The following HIPK2 variants were observed in gnomAD, a reference collection of about 807,000 sequenced individuals.
The protein encoded by HIPK2 is homeodomain-interacting protein kinase 2.
Under a neutral mutation model 113.7 loss-of-function variants are expected in HIPK2, and 27 were observed. The ratio of observed to expected loss-of-function variants is 0.24; its 90% CI spans 0.17 to 0.33. The LOEUF is 0.33. HIPK2 is among the 10% of genes least tolerant of loss of function. HIPK2 has a pLI of 1.00. For missense variants in HIPK2, 1,257 were observed against 1,588.0 expected (o/e 0.79, Z 3.54); for synonymous variants, 631 against 642.2 (o/e 0.98, Z 0.26).
rs1480629295 is a variant in HIPK2, at chr7:139,621,970, T to C, written c.1620-1407A>G. ...TTAAAAGAAAAAGAAAAAAAACTCA[T>C]TTAATTTTCAACTCAAAATGTCTAT... On this transcript the variant is annotated intron_variant, in intron 6 of 14. Transcript: ENST00000406875. 2.0e-5 allele frequency among the ~76,000 whole-genome samples: 3 copies of C among 151,332 alleles called. No individual in the cohort carries two copies. In the East Asian group the frequency reaches 5.8e-4, roughly 29 times the overall value.
intron 10 of HIPK2, 197 bp downstream of exon 10, chr7:139,603,884 T>C (rs1799524169): frequency 1.0e-5 from 2 of 191,594 alleles, no homozygotes; most frequent in Admixed American, 1.3e-4. Context: ...CTGATTTTCT[T>C]GTATCCTGGT....
At chr7:139,765,765 G>C (rs901787272) in intron 1 of HIPK2, among the ~76,000 whole-genome samples, 3 of 152,072 alleles carry the variant, frequency 2.0e-5, no homozygotes, top group African/African-American at 7.2e-5. Context: ...TCCATCTTCT[G>C]TTAAATGCTC....
At position 139,565,869 on chromosome 7, in the gene HIPK2, T is replaced by A. The variant is rs1425342016; in HGVS notation, c.*7058A>T. ...GAGATCAGAGCTGTCAGGATAATTA[T>A]CAAGTGCAGTAAAAAATAGCATTTT... On this transcript the variant is annotated 3_prime_UTR_variant, in exon 15 of 15. Transcript: ENST00000406875. The A allele has an allele frequency of 6.6e-6, 1 of 152,162 alleles. No individual in the cohort carries two copies. The allele number at this position is 152,162 out of a possible 1,614,324, so 9.4% of individuals were successfully genotyped here. A position where few individuals can be genotyped will look rare whatever the true frequency, so the allele number is the denominator to read the frequency against.
intron 12 of HIPK2, among the ~76,000 whole-genome samples, chr7:139,593,928 C>T (rs1799111073): frequency 1.3e-5 from 2 of 152,254 alleles, no homozygotes; most frequent in East Asian, 1.9e-4. Flanking sequence ...TCCTTGTTTT[C>T]CCAGGACTGA....
chr7:139,706,035 C>T (rs558204571), intron 2 of HIPK2, among the ~76,000 whole-genome samples: 8 of 152,226 alleles, frequency 5.3e-5, no homozygotes, highest in African/African-American at 1.4e-4. Flanking sequence ...TACGAGGCCC[C>T]GGGGATGATG....
chr7:139,596,523 T>C (rs578190038), intron 12 of HIPK2, among the ~76,000 whole-genome samples, 194 bp downstream of exon 12: 49 of 152,376 alleles, frequency 3.2e-4, no homozygotes, highest in Non-Finnish European at 6.2e-4. Flanking sequence ...GACATTATTT[T>C]GGTTTTAAAC....
intron 2 of HIPK2, among the ~76,000 whole-genome samples, chr7:139,663,886 C>G (rs1336650522): frequency 1.3e-5 from 2 of 152,342 alleles, no homozygotes; most frequent in South Asian, 2.1e-4. Flanking sequence ...TGCCGGCCCA[C>G]GAGTCTTCCT....
At chr7:139,619,335 T>C in intron 7 of HIPK2, among the ~76,000 whole-genome samples, 1 of 152,120 alleles carries the variant, frequency 6.6e-6, no homozygotes, top group African/African-American at 2.4e-5. Flanking sequence ...AACAAAAATC[T>C]GGGGGCCCTT....
At chr7:139,757,223 CT>C (rs375556550) in intron 1 of HIPK2, among the ~76,000 whole-genome samples, 4 of 152,310 alleles carry the variant, frequency 2.6e-5, no homozygotes, top group African/African-American at 9.6e-5. Context: ...GTCAAAACTG[CT>C]TTTACCAGGC....
At chr7:139,622,789 A>T (rs1175806814) in intron 6 of HIPK2, among the ~76,000 whole-genome samples, 1 of 152,186 alleles carries the variant, frequency 6.6e-6, no homozygotes, top group East Asian at 1.9e-4. Context: ...AGGTGTGTTC[A>T]GAGACCCACC....
intron 1 of HIPK2, among the ~76,000 whole-genome samples, chr7:139,767,506 C>T (rs1304910613): frequency 1.3e-5 from 2 of 152,146 alleles, no homozygotes; most frequent in African/African-American, 4.8e-5. Flanking sequence ...AGAGCAGAGA[C>T]GCCATCAAAG....
chr7:139,777,540 G>T, intron 1 of HIPK2, 65 bp downstream of exon 1: 1 of 802,846 alleles, frequency 1.2e-6, no homozygotes, highest in Non-Finnish European at 1.5e-6. Flanking sequence ...GCCGCGGGCA[G>T]AACAAAGCTG....
intron 10 of HIPK2, among the ~76,000 whole-genome samples, chr7:139,601,920 A>G (rs989792764): frequency 6.7e-6 from 1 of 149,914 alleles, no homozygotes; most frequent in African/African-American, 2.5e-5. Flanking sequence ...GGGCATTTAC[A>G]TGGACTTTAG....
intron 2 of HIPK2, among the ~76,000 whole-genome samples, chr7:139,704,363 CAACA>C (rs1438254813): frequency 7.0e-6 from 1 of 143,452 alleles, no homozygotes; most frequent in East Asian, 2.2e-4. Context: ...ACACTATACC[CAACA>C]TACACACCCA....
intron 13 of HIPK2, among the ~76,000 whole-genome samples, chr7:139,581,018 G>C (rs1293975731): frequency 6.6e-6 from 1 of 152,074 alleles, no homozygotes; most frequent in African/African-American, 2.4e-5. Flanking sequence ...TCAGGAGTTC[G>C]AGACCAGCCT....
intron 12 of HIPK2, among the ~76,000 whole-genome samples, chr7:139,590,828 C>T (rs1798993912): frequency 6.6e-6 from 1 of 152,110 alleles, no homozygotes; most frequent in African/African-American, 2.4e-5. Context: ...TAATATGGCA[C>T]ATACATTCCA....
chr7:139,671,109 C>T (rs1490471893), intron 2 of HIPK2, among the ~76,000 whole-genome samples: 1 of 152,078 alleles, frequency 6.6e-6, no homozygotes, highest in Admixed American at 6.6e-5. Context: ...GTTCTCATTA[C>T]AACTTGAAAA....
chr7:139,746,718 A>G (rs906463993), intron 1 of HIPK2, among the ~76,000 whole-genome samples: 1 of 152,068 alleles, frequency 6.6e-6, no homozygotes, highest in Non-Finnish European at 1.5e-5. Flanking sequence ...CTGCCCTCCA[A>G]TTCAATGCCA....
chr7:139,669,482 T>G (rs1483183952), intron 2 of HIPK2, among the ~76,000 whole-genome samples: 1 of 152,224 alleles, frequency 6.6e-6, no homozygotes, highest in African/African-American at 2.4e-5. Flanking sequence ...GACTCATTGG[T>G]GAATGACAAA....
Sources: gnomAD v4.1 joint callset for allele counts (sites outside exome capture counted in the v4.1 genomes callset) on GRCh38, gnomAD v4.1.1 for gene constraint, MANE v1.5 for transcripts, NCBI Gene and HGNC (gene_info 2026-07-23, HGNC 2026-07-21) for gene names.